PATJ: variants seen among roughly 807,000 people sequenced by gnomAD.
The protein encoded by PATJ is PATJ crumbs cell polarity complex component.
In PATJ, 190 loss-of-function variants were observed where a neutral mutation model predicts 224.9. The observed-to-expected ratio is 0.84, with a 90% CI of 0.75 to 0.95. The LOEUF (loss-of-function observed/expected upper bound fraction) is 0.95, where lower values mean the gene tolerates loss of function less well. Ranked by LOEUF, PATJ falls within the 40% of genes least tolerant of loss-of-function variation. The probability of loss-of-function intolerance (pLI) is 0.00; values close to 1 mark genes in which losing one functional copy is unlikely to be tolerated. For missense variants in PATJ, 2,121 were observed against 2,270.3 expected (o/e 0.93, Z 1.34); for synonymous variants, 769 against 820.3 (o/e 0.94, Z 1.07).
chr1:61,872,298 G>A (rs184968332), intron 20 of PATJ, among the ~76,000 whole-genome samples: 12 of 152,100 alleles, frequency 7.9e-5, no homozygotes, highest in African/African-American at 2.7e-4. Context: ...TGTTCCTTAG[G>A]CTCCATTAGT....
chr1:62,153,971 T>C (rs529728572), intron 43 of PATJ, among the ~76,000 whole-genome samples: 18 of 152,172 alleles, frequency 1.2e-4, no homozygotes, highest in Non-Finnish European at 2.1e-4. Flanking sequence ...TGGCTTGATC[T>C]CAGCTCACTG....
At chr1:61,979,918 C>T (rs1429107404) in intron 27 of PATJ, among the ~76,000 whole-genome samples, 1 of 151,994 alleles carries the variant, frequency 6.6e-6, no homozygotes, top group Non-Finnish European at 1.5e-5. Flanking sequence ...TAAGGATGCT[C>T]CCTTCCTCTG....
In PATJ at chr1:61,801,629, T is replaced by C; in HGVS notation, c.1409T>C (p.Val470Ala). 6.4e-7 allele frequency: 1 copy of C among 1,569,508 alleles called. No homozygotes were observed. Among genetic ancestry groups the C allele is most frequent in the Non-Finnish European group, 8.6e-7 (1 of 1,157,216 alleles). ...PLEPPSDRGT[V>A]VEPLKPPALF... Reference sequence around the variant, plus strand: ...TTATTTTTTTTTGTTTTAGGAACTGTTGTAGAACCACTGAAACCACCAGCT... The same window carrying C: ...TTATTTTTTTTTGTTTTAGGAACTGCTGTAGAACCACTGAAACCACCAGCT... The change falls in exon 12 of 44, where the codon GTT (valine) becomes GCT (alanine). Residue 470 changes from valine (V) to alanine (A), a missense_variant. Val to Ala is a moderately conservative substitution (Grantham distance 64). Coordinates refer to ENST00000642238, the MANE Select transcript of PATJ (RefSeq NM_001350145.3).
At chr1:62,038,247 A>G (rs1650810518) in intron 30 of PATJ, among the ~76,000 whole-genome samples, 198 bp downstream of exon 30, 1 of 152,238 alleles carries the variant, frequency 6.6e-6, no homozygotes, top group South Asian at 2.1e-4. Flanking sequence ...CCATATAAGT[A>G]TTACCTTCCT....
At position 61,927,793 on chromosome 1, in the gene PATJ, A is replaced by T. The variant is rs947775575; in HGVS notation, c.3634A>T (p.Ser1212Cys). Residue 1212 changes from serine (S) to cysteine (C), a missense_variant, in exon 27 of 44, where the codon AGT becomes TGT. Physicochemically the swap from Ser to Cys is moderately radical, Grantham distance 112. Coordinates refer to ENST00000642238, the MANE Select transcript of PATJ (RefSeq NM_001350145.3). ...PPPYKALTDD[S>C]DENEEEDAFT... ...TCCTTATAAAGCTCTGACTGATGAC[A>T]GTGATGAAAATGAAGAAGAAGATGC... 1 of 1,613,538 alleles carries T rather than the reference A, an allele frequency of 6.2e-7. No homozygotes were observed. Among genetic ancestry groups the T allele is most frequent in the Admixed American group, 1.7e-5 (1 of 59,950 alleles).
chr1:62,001,388 A>G (rs1645760796), intron 28 of PATJ, among the ~76,000 whole-genome samples: 1 of 147,512 alleles, frequency 6.8e-6, no homozygotes, highest in South Asian at 2.2e-4. Flanking sequence ...GAAGGGATTC[A>G]GTTTCAGCTT....
intron 21 of PATJ, among the ~76,000 whole-genome samples, chr1:61,879,951 G>T (rs914352141): frequency 2.0e-5 from 3 of 151,760 alleles, no homozygotes; most frequent in African/African-American, 7.3e-5. Context: ...CTATTCTCCT[G>T]CCTCAGCCTC....
Position 61,773,106 on chromosome 1 carries a change from C to T in PATJ, c.720+1480C>T, listed in dbSNP as rs544513236. On this transcript the variant is annotated intron_variant, in intron 6 of 43. Transcript: ENST00000642238. ...CGTGATCTCGGCTCACTGCAACCCC[C>T]GCCTCCTGGGTTCAAGTGATTCTCC... Among the ~76,000 whole-genome samples the T allele has an allele frequency of 1.3e-4, 20 of 152,160 alleles. No homozygotes were observed. The South Asian group carries it at 2.7e-3, about 21-fold the overall frequency.
chr1:61,815,704 C>G (rs1360072056), intron 14 of PATJ, among the ~76,000 whole-genome samples: 2 of 152,118 alleles, frequency 1.3e-5, no homozygotes, highest in Non-Finnish European at 2.9e-5. Flanking sequence ...AAAAAAGAAG[C>G]ATCTTCATAT....
At chr1:61,824,186 T>C (rs1328746310) in intron 15 of PATJ, among the ~76,000 whole-genome samples, 3 of 152,068 alleles carry the variant, frequency 2.0e-5, no homozygotes, top group African/African-American at 7.2e-5. Context: ...AAATGAGATA[T>C]ATTTGTTTGG....
At position 61,848,082 on chromosome 1, in the gene PATJ, G is replaced by A. The variant is rs541826844; in HGVS notation, c.2113-7948G>A. ...TGTGAATGTTTGGATAGAAACTAGG[G>A]ACAAATTTGAGTCAAGATACTCTGT... On this transcript the variant is annotated intron_variant, in intron 17 of 43. Coordinates refer to ENST00000642238, the MANE Select transcript of PATJ (RefSeq NM_001350145.3). Among the ~76,000 whole-genome samples the A allele has an allele frequency of 2.0e-5, 3 of 152,238 alleles. No homozygotes were observed. In the South Asian group the frequency reaches 6.2e-4, roughly 32 times the overall value.
At chr1:62,092,750 T>TTTATTTATTTATTTA (rs1553264643) in intron 33 of PATJ, among the ~76,000 whole-genome samples, 6,748 of 150,566 alleles carry the variant, frequency 0.045, 296 homozygotes, top group African/African-American at 0.11. Context: ...TTATTTATTT[T>TTTATTTATTTATTTA]TTTATTTTTT....
In PATJ at chr1:62,106,718, G is replaced by C. The variant is rs149044830; in HGVS notation, c.4378-1719G>C. Among the ~76,000 whole-genome samples the C allele has an allele frequency of 2.6e-5, 4 of 152,084 alleles. No homozygotes were observed. The East Asian group carries it at 7.8e-4, about 29-fold the overall frequency. On this transcript the variant is annotated intron_variant, in intron 33 of 43. Transcript: ENST00000642238. The stretch of plus-strand genomic sequence containing the variant: ...ACCCAGACATTGATGACGCCCCTGT[G>C]GTCATTGCCATCAGCACTGCCTGCT...
chr1:62,058,315 A>G (rs1654875447), intron 31 of PATJ, among the ~76,000 whole-genome samples: 1 of 152,250 alleles, frequency 6.6e-6, no homozygotes, highest in African/African-American at 2.4e-5. Context: ...CTTGTCAGCT[A>G]GAATACCAAC....
At chr1:62,095,154 G>A (rs1661249560) in intron 33 of PATJ, among the ~76,000 whole-genome samples, 1 of 152,134 alleles carries the variant, frequency 6.6e-6, no homozygotes, top group East Asian at 1.9e-4. Flanking sequence ...CGTGACCCAT[G>A]GTGGGAAAGT....
chr1:61,777,699 CTTTCTTTTTTT>C (rs760344253), intron 7 of PATJ, among the ~76,000 whole-genome samples: 4 of 80,086 alleles, frequency 5.0e-5, no homozygotes, highest in Non-Finnish European at 9.0e-5. Context: ...TTCTTTCTTT[CTTTCTTTTTTT>C]TTTTTTTTTT....
intron 27 of PATJ, among the ~76,000 whole-genome samples, chr1:61,943,151 G>C (rs1191785876): frequency 6.6e-6 from 1 of 152,162 alleles, no homozygotes; most frequent in Non-Finnish European, 1.5e-5. Flanking sequence ...TTCCAAGATG[G>C]CCGAATAGGA....
chr1:62,116,391 C>A, intron 35 of PATJ, 141 bp from the exon 36 acceptor site: 3 of 942,932 alleles, frequency 3.2e-6, no homozygotes, highest in Admixed American at 3.2e-5. Context: ...GGCAAATTAC[C>A]AAGGTATGAA....
At chr1:62,091,862 C>T (rs892820847) in intron 33 of PATJ, among the ~76,000 whole-genome samples, 1 of 152,004 alleles carries the variant, frequency 6.6e-6, no homozygotes, top group African/African-American at 2.4e-5. Flanking sequence ...TTTAAACCAG[C>T]CTGGCCAACA....
Sources: allele counts gnomAD v4.1 joint callset (sites outside exome capture counted in the v4.1 genomes callset), GRCh38; gene constraint gnomAD v4.1.1; transcripts MANE v1.5; gene names NCBI Gene and HGNC (gene_info 2026-07-23, HGNC 2026-07-21).